TESK2: variants seen among roughly 807,000 people sequenced by gnomAD.
TESK2 encodes the protein dual specificity testis-specific protein kinase 2.
A neutral mutation model predicts 57.1 loss-of-function variants in TESK2; 39 were observed. That is an observed-to-expected ratio of 0.68 (90% CI 0.53 to 0.89). The LOEUF (loss-of-function observed/expected upper bound fraction) is 0.89, where lower values mean the gene tolerates loss of function less well. Ranked by LOEUF, TESK2 falls within the 40% of genes least tolerant of loss-of-function variation. The probability of loss-of-function intolerance (pLI) is 0.00; values close to 1 mark genes in which losing one functional copy is unlikely to be tolerated. For synonymous variants in TESK2, 249 were observed against 267.9 expected (o/e 0.93, Z 0.69); for missense variants, 646 against 732.1 (o/e 0.88, Z 1.36).
intron 3 of TESK2, among the ~76,000 whole-genome samples, chr1:45,402,217 C>T (rs780483120): frequency 2.2e-4 from 33 of 151,178 alleles, no homozygotes; most frequent in Admixed American, 9.2e-4. Flanking sequence ...TAGTGAGACC[C>T]TGTCTCTAAA....
chr1:45,436,354 T>C (rs1386911117), intron 2 of TESK2, among the ~76,000 whole-genome samples: 1 of 150,442 alleles, frequency 6.6e-6, no homozygotes, highest in East Asian at 1.9e-4. Flanking sequence ...CTGGATAATT[T>C]TTGTATTTTT....
intron 2 of TESK2, among the ~76,000 whole-genome samples, chr1:45,453,240 G>A (rs1009972948): frequency 4.6e-5 from 7 of 151,392 alleles, no homozygotes; most frequent in African/African-American, 1.2e-4. Context: ...CCAGCTACTC[G>A]GGAGGCTGAA....
chr1:45,426,701 AAGGATTAATAACC>A (rs1256054445), intron 2 of TESK2, among the ~76,000 whole-genome samples: 1 of 152,244 alleles, frequency 6.6e-6, no homozygotes, highest in Admixed American at 6.5e-5. Context: ...CCATCTGACA[AAGGATTAATAACC>A]AGAATATATA....
At chr1:45,432,968 T>C (rs1651035459) in intron 2 of TESK2, among the ~76,000 whole-genome samples, 1 of 151,132 alleles carries the variant, frequency 6.6e-6, no homozygotes. Flanking sequence ...TTCACTGTGT[T>C]GCCCAGGCTG....
At chr1:45,408,036 A>G (rs575388224) in intron 3 of TESK2, among the ~76,000 whole-genome samples, 1 of 152,282 alleles carries the variant, frequency 6.6e-6, no homozygotes, top group Admixed American at 6.5e-5. Context: ...ACTGTTGCAC[A>G]ACAGTCATCC....
At chr1:45,352,939 G>A (rs569725860) in intron 5 of TESK2, among the ~76,000 whole-genome samples, 38 of 150,146 alleles carry the variant, frequency 2.5e-4, no homozygotes, top group Non-Finnish European at 4.6e-4. Context: ...TCGCTCAGTC[G>A]CCAGGCTAGA....
chr1:45,345,029 G>A lies in TESK2; in HGVS notation c.1527C>T (p.Ala509=). 1.2e-6 allele frequency: 2 copies of A among 1,614,232 alleles called. No homozygotes were observed. The highest frequency in any genetic ancestry group is 1.7e-6 in the Non-Finnish European group (2 of 1,180,048). The change falls in exon 11 of 11, where the codon GCC becomes GCT. Residue 509 remains alanine (A), a synonymous_variant. Coordinates refer to ENST00000372086, the MANE Select transcript of TESK2 (RefSeq NM_007170.3). The stretch of plus-strand genomic sequence containing the variant: ...GAATGGAGCAGTCCATAGCCTCATG[G>A]GCTTGAGCAGCTGGTAGGGCAGATG... ...FRASALPAAQ[A]HEAMDCSILQ... is the part of the protein sequence containing the mutation.
chr1:45,408,204 T>A (rs1216280490), intron 3 of TESK2, among the ~76,000 whole-genome samples: 1 of 152,178 alleles, frequency 6.6e-6, no homozygotes, highest in African/African-American at 2.4e-5. Flanking sequence ...TTTTGACAAT[T>A]TGCCTATCTA....
chr1:45,393,004 T>C (rs150788488), intron 3 of TESK2, among the ~76,000 whole-genome samples: 3 of 152,326 alleles, frequency 2.0e-5, no homozygotes, highest in African/African-American at 4.8e-5. Flanking sequence ...TAAAGAACAT[T>C]AGAGGCAAGT....
At chr1:45,431,312 G>A (rs1650943302) in intron 2 of TESK2, among the ~76,000 whole-genome samples, 1 of 152,160 alleles carries the variant, frequency 6.6e-6, no homozygotes, top group Non-Finnish European at 1.5e-5. Context: ...CAGCTACTCA[G>A]GAGGCTGAGG....
At chr1:45,376,279 G>A (rs1259676471) in intron 4 of TESK2, among the ~76,000 whole-genome samples, 1 of 134,320 alleles carries the variant, frequency 7.4e-6, no homozygotes, top group Non-Finnish European at 1.5e-5. Flanking sequence ...GCATAGTGGT[G>A]TGATTTCGGC....
At chr1:45,404,620 T>C (rs1176982258) in intron 3 of TESK2, among the ~76,000 whole-genome samples, 1 of 151,446 alleles carries the variant, frequency 6.6e-6, no homozygotes, top group East Asian at 1.9e-4. Context: ...CTTGGCTCAC[T>C]GCAACCTCCA....
chr1:45,479,933 C>T (rs1399897823), intron 1 of TESK2, among the ~76,000 whole-genome samples: 1 of 149,616 alleles, frequency 6.7e-6, no homozygotes. Context: ...AGCCATTCTC[C>T]TGTCTCAGCC....
chr1:45,416,463 G>T (rs893605393), intron 3 of TESK2, among the ~76,000 whole-genome samples: 3 of 151,788 alleles, frequency 2.0e-5, no homozygotes, highest in African/African-American at 7.3e-5. Context: ...TCATACTATA[G>T]TACTACTTTT....
At chr1:45,472,177 G>C (rs1423800460) in intron 1 of TESK2, among the ~76,000 whole-genome samples, 1 of 149,552 alleles carries the variant, frequency 6.7e-6, no homozygotes, top group Non-Finnish European at 1.5e-5. Context: ...GCATGAACCT[G>C]GGAGGCGGAG....
intron 3 of TESK2, among the ~76,000 whole-genome samples, chr1:45,394,590 G>C (rs1570684543): frequency 6.7e-6 from 1 of 149,694 alleles, no homozygotes; most frequent in Non-Finnish European, 1.5e-5. Context: ...ATGTCGCTTG[G>C]TCTACAGACT....
At chr1:45,483,962 C>G (rs1653345391) in intron 1 of TESK2, among the ~76,000 whole-genome samples, 1 of 151,072 alleles carries the variant, frequency 6.6e-6, no homozygotes, top group African/African-American at 2.4e-5. Context: ...GATCCTGCTA[C>G]TGCACTCCAA....
chr1:45,459,186 T>G (rs1396978215), intron 1 of TESK2, among the ~76,000 whole-genome samples: 1 of 152,204 alleles, frequency 6.6e-6, no homozygotes, highest in African/African-American at 2.4e-5. Context: ...AGTCTCAATA[T>G]GGCGGCTTTC....
At chr1:45,398,544 T>C (rs369099949) in intron 3 of TESK2, among the ~76,000 whole-genome samples, 25 of 151,910 alleles carry the variant, frequency 1.6e-4, no homozygotes, top group African/African-American at 5.6e-4. Flanking sequence ...AAGCCTCCGT[T>C]TCAAAAAAAT....
Sources: allele counts gnomAD v4.1 joint callset (sites outside exome capture counted in the v4.1 genomes callset), GRCh38; gene constraint gnomAD v4.1.1; transcripts MANE v1.5; gene names NCBI Gene and HGNC (gene_info 2026-07-23, HGNC 2026-07-21).